IFNAR1: variants seen among roughly 807,000 people sequenced by gnomAD.
IFNAR1 encodes the protein interferon alpha and beta receptor subunit 1, also known as interferon alpha/beta receptor 1.
Under a neutral mutation model 62.1 loss-of-function variants are expected in IFNAR1, and 47 were observed. That is an observed-to-expected ratio of 0.76 (90% CI 0.60 to 0.97). The LOEUF (loss-of-function observed/expected upper bound fraction) is 0.97. Ranked by LOEUF, IFNAR1 falls within the 50% of genes least tolerant of loss-of-function variation. The pLI is 0.00. For missense variants in IFNAR1, 638 were observed against 654.5 expected, an observed-to-expected ratio of 0.97 and a Z score of 0.27; for synonymous variants, 219 against 226.9, an observed-to-expected ratio of 0.97 and a Z score of 0.31.
At chr21:33,350,961 G>T (rs2083392043) in intron 8 of IFNAR1, among the ~76,000 whole-genome samples, 1 of 152,120 alleles carries the variant, frequency 6.6e-6, no homozygotes, top group Non-Finnish European at 1.5e-5. Context: ...TTTTTCAAAA[G>T]GATGTTTATA....
chr21:33,331,598 C>A (rs914520358), intron 1 of IFNAR1, among the ~76,000 whole-genome samples: 1 of 152,144 alleles, frequency 6.6e-6, no homozygotes, highest in South Asian at 2.1e-4. Context: ...TTCCCTACCC[C>A]CCATTCCCAG....
intron 10 of IFNAR1, among the ~76,000 whole-genome samples, chr21:33,354,842 C>G (rs2031911202): frequency 6.6e-6 from 1 of 152,078 alleles, no homozygotes; most frequent in Non-Finnish European, 1.5e-5. Flanking sequence ...CTATTATACC[C>G]CTGAGTTTTT....
chr21:33,344,765 C>CTTATTTATTTATTTAT lies in IFNAR1; in HGVS notation c.674-458_674-443dup, dbSNP rs11421099. Among the ~76,000 whole-genome samples, 640 of 122,106 alleles carry CTTATTTATTTATTTAT rather than the reference C, an allele frequency of 5.2e-3. 4 individuals are homozygous for CTTATTTATTTATTTAT. The highest frequency in any genetic ancestry group is 0.02 in the Middle Eastern group (5 of 246). 80.1% of individuals were successfully genotyped at this position (122,106 alleles called of 152,430 possible). A position where few individuals can be genotyped will look rare whatever the true frequency, so the allele number is the denominator to read the frequency against. ...CATCTATTGCATTCTTTCTTTTTTA[C>CTTATTTATTTATTTAT]TTATTTATTTATTTATTTATTTATT... On this transcript the variant is annotated intron_variant, in intron 5 of 10. Transcript: ENST00000270139.
At chr21:33,341,684 T>C (rs1408085341) in intron 3 of IFNAR1, among the ~76,000 whole-genome samples, 2 of 152,158 alleles carry the variant, frequency 1.3e-5, no homozygotes, top group East Asian at 3.9e-4. Context: ...TTGTTATTTC[T>C]TTCTTTTTTT....
intron 1 of IFNAR1, among the ~76,000 whole-genome samples, chr21:33,326,304 A>G (rs953745575): frequency 2.0e-5 from 3 of 150,396 alleles, no homozygotes; most frequent in Non-Finnish European, 4.4e-5. Flanking sequence ...TCCCAGGTTC[A>G]GGCGATTCTC....
intron 8 of IFNAR1, among the ~76,000 whole-genome samples, chr21:33,351,386 G>A (rs1447145763): frequency 1.3e-5 from 2 of 152,236 alleles, no homozygotes; most frequent in South Asian, 2.1e-4. Context: ...TCTGGTCCAA[G>A]GAGGATTAGA....
chr21:33,328,400 G>A (rs1461550975), intron 1 of IFNAR1, among the ~76,000 whole-genome samples: 5 of 152,184 alleles, frequency 3.3e-5, no homozygotes, highest in Non-Finnish European at 7.3e-5. Flanking sequence ...TCGCATCATG[G>A]CCTGAAGTAG....
chr21:33,335,571 G>T lies in IFNAR1; in HGVS notation c.124G>T (p.Asp42Tyr). The T allele has an allele frequency of 6.2e-7, 1 of 1,607,372 alleles. No homozygotes were observed. The highest frequency in any genetic ancestry group is 8.5e-7 in the Non-Finnish European group (1 of 1,176,386). ...SPQKVEVDII[D>Y]DNFILRWNRS... ...TCAAAAAGTAGAGGTCGACATCATA[G>T]ATGACAACTTTATCCTGAGGTGGAA... Residue 42 changes from aspartate to tyrosine, a missense_variant, in exon 2 of 11, where the codon GAT (aspartate) becomes TAT (tyrosine). Physicochemically the swap from Asp to Tyr is radical, Grantham distance 160 (BLOSUM62 -3). Coordinates refer to ENST00000270139, the MANE Select transcript of IFNAR1 (RefSeq NM_000629.3).
intron 5 of IFNAR1, among the ~76,000 whole-genome samples, chr21:33,344,421 A>T (rs2083325247): frequency 6.6e-6 from 1 of 151,498 alleles, no homozygotes; most frequent in African/African-American, 2.4e-5. Flanking sequence ...GTTTATTTTA[A>T]TTGTAAATTT....
intron 1 of IFNAR1, among the ~76,000 whole-genome samples, chr21:33,328,200 G>T (rs1012943): frequency 2.6e-5 from 4 of 152,022 alleles, no homozygotes; most frequent in African/African-American, 4.8e-5. Flanking sequence ...TGTTCTTCCA[G>T]TGTGGCCCAC....
In IFNAR1 at chr21:33,353,771, C is replaced by G. The variant is rs1350984220; in HGVS notation, c.1428C>G (p.Ser476=). Residue 476 remains serine (S), a synonymous_variant, in exon 10 of 11, where the codon TCC becomes TCG. Coordinates refer to ENST00000270139, the MANE Select transcript of IFNAR1 (RefSeq NM_000629.3). ...TCTTTCCATCACTTAAACCTTCTTC[C>G]AGTATAGATGAGGTATGTTACTTTT... The part of the protein sequence containing the change: ...YVFFPSLKPS[S]SIDEYFSEQP... 4.4e-6 allele frequency: 7 copies of G among 1,575,822 alleles called. No individual in the cohort carries two copies. The African/African-American group carries it at 9.6e-5, about 22-fold the overall frequency.
rs17875860 is a variant in IFNAR1 at position 33,356,476 on chromosome 21, G to A, written c.*927G>A. On this transcript the variant is annotated 3_prime_UTR_variant, in exon 11 of 11. Transcript: ENST00000270139. ...TGAGGGACTTCTGTTCATTCATCCC[G>A]AGAACATTGGCTTCCACATCACAGT... 58 of 152,114 alleles carry A rather than the reference G, an allele frequency of 3.8e-4. No individual in the cohort carries two copies. The highest frequency in any genetic ancestry group is 1.4e-3 in the African/African-American group (57 of 41,418). The allele number at this position is 152,114 out of a possible 1,614,324, so 9.4% of individuals were successfully genotyped here.
In IFNAR1 at chr21:33,351,797, A is replaced by G. The variant is rs17875841; in HGVS notation, c.1144-961A>G. 5.7e-3 allele frequency among the ~76,000 whole-genome samples: 864 copies of G among 151,914 alleles called. 11 individuals carry two copies. The highest frequency in any genetic ancestry group is 0.02 in the African/African-American group (813 of 41,408). ...GGTGGTGGTGGTGGTTGTTTTGGAA[A>G]TAGGGATTTCCTCAGCCTCCCAAGT... On this transcript the variant is annotated intron_variant, in intron 8 of 10. Coordinates refer to ENST00000270139, the MANE Select transcript of IFNAR1 (RefSeq NM_000629.3).
intron 2 of IFNAR1, among the ~76,000 whole-genome samples, chr21:33,336,110 T>C (rs1342011844): frequency 7.0e-6 from 1 of 143,454 alleles, no homozygotes; most frequent in Non-Finnish European, 1.5e-5. Context: ...AGTGTGATGT[T>C]CCCCTTCCTG....
At chr21:33,350,560 A>G (rs1180442342) in intron 8 of IFNAR1, among the ~76,000 whole-genome samples, 1 of 152,234 alleles carries the variant, frequency 6.6e-6, no homozygotes, top group Non-Finnish European at 1.5e-5. Flanking sequence ...CCTAAAATTC[A>G]GATACCACTG....
intron 1 of IFNAR1, among the ~76,000 whole-genome samples, chr21:33,325,689 CTG>C (rs1491488348): frequency 6.6e-6 from 1 of 152,168 alleles, no homozygotes; most frequent in African/African-American, 2.4e-5. Flanking sequence ...ACGTCTGTGA[CTG>C]GTTTTCCAGA....
chr21:33,352,371 G>A (rs1373326936), intron 8 of IFNAR1, among the ~76,000 whole-genome samples: 7 of 152,084 alleles, frequency 4.6e-5, no homozygotes, highest in Non-Finnish European at 1.0e-4. Flanking sequence ...GGGAGGCCAA[G>A]GTGGGTGGAT....
rs538622115 is a variant in IFNAR1, at chr21:33,338,228, G to A, written c.200+2581G>A. Among the ~76,000 whole-genome samples the A allele has an allele frequency of 2.2e-3, 333 of 152,092 alleles. 1 individual carries two copies. Among genetic ancestry groups the A allele is most frequent in the Non-Finnish European group, 3.7e-3 (253 of 67,996 alleles). ...ATATTGTCTCCCCGCAGTCAGAATG[G>A]CTGTTATTAAAAAGTTAAAAAAGGC... On this transcript the variant is annotated intron_variant, in intron 2 of 10. Transcript: ENST00000270139.
intron 1 of IFNAR1, chr21:33,334,839 G>T: frequency 1.0e-6 from 1 of 1,004,164 alleles, no homozygotes; most frequent in Non-Finnish European, 1.6e-6. Flanking sequence ...GTGATCCAGG[G>T]TGATATCACC....
Sources: gnomAD v4.1 joint callset for allele counts (sites outside exome capture counted in the v4.1 genomes callset) on GRCh38, gnomAD v4.1.1 for gene constraint, MANE v1.5 for transcripts, NCBI Gene and HGNC (gene_info 2026-07-23, HGNC 2026-07-21) for gene names.